Variants in ESRP1 observed in about 807,000 individuals in gnomAD.
ESRP1 encodes RNA-binding motif protein 35A.
In ESRP1, 33 loss-of-function variants were observed where a neutral mutation model predicts 81.7. The observed-to-expected ratio is 0.40, with a 90% CI of 0.31 to 0.54. ESRP1 has a LOEUF of 0.54. ESRP1 is among the 20% of genes least tolerant of loss of function. The pLI is 0.41. For missense variants in ESRP1, 672 were observed against 833.1 expected, an observed-to-expected ratio of 0.81 and a Z score of 2.38; for synonymous variants, 320 against 303.3, an observed-to-expected ratio of 1.06 and a Z score of -0.57.
intron 11 of ESRP1, among the ~76,000 whole-genome samples, chr8:94,672,249 A>T (rs115405308): frequency 0.016 from 2,387 of 152,220 alleles, 74 homozygotes; most frequent in African/African-American, 0.054. Flanking sequence ...TTCAATAGGA[A>T]CCAAACTCAG....
At chr8:94,651,239 CTTTT>C (rs35413910) in intron 4 of ESRP1, among the ~76,000 whole-genome samples, 18 of 102,778 alleles carry the variant, frequency 1.8e-4, no homozygotes, top group African/African-American at 3.4e-4. Context: ...ATAGTGTGGT[CTTTT>C]TTTTTTTTTT....
At chr8:94,641,495 A>T in intron 1 of ESRP1, 45 bp downstream of exon 1, 1 of 1,611,568 alleles carries the variant, frequency 6.2e-7, no homozygotes, top group Non-Finnish European at 8.5e-7. Context: ...TGGGGCAAGA[A>T]GTTTGTGGTA....
chr8:94,642,107 C>A (rs1817631374), intron 2 of ESRP1, 23 bp downstream of exon 2: 2 of 1,605,450 alleles, frequency 1.2e-6, no homozygotes, highest in South Asian at 2.2e-5. Flanking sequence ...GGTCACGCCA[C>A]CCACCCCAGC....
At position 94,668,436 on chromosome 8, in the gene ESRP1, A is replaced by G. The variant is rs1051219075; in HGVS notation, c.1233+186A>G. 29 of 483,158 alleles carry G rather than the reference A, an allele frequency of 6.0e-5. No individual in the cohort carries two copies. The East Asian group carries it at 9.2e-4, about 15-fold the overall frequency. 29.9% of individuals were successfully genotyped at this position (483,158 alleles called of 1,614,324 possible). ...CTGTTATCCTGTACACACACACAAC[A>G]CATACTACGTATTTTTACAGAAATG... On this transcript the variant is annotated intron_variant, in intron 10 of 15. Coordinates refer to ENST00000433389, the MANE Select transcript of ESRP1 (RefSeq NM_017697.4).
intron 13 of ESRP1, among the ~76,000 whole-genome samples, chr8:94,682,936 T>TA (rs1808978065): frequency 2.5e-5 from 1 of 39,246 alleles, no homozygotes; most frequent in African/African-American, 1.1e-4. Context: ...ATATATATTT[T>TA]TTTTTTTTTT....
At position 94,696,773 on chromosome 8, in the gene ESRP1, A is replaced by T. The variant is rs1380817394; in HGVS notation, c.1972-79A>T. 10 of 1,098,984 alleles carry T rather than the reference A, an allele frequency of 9.1e-6. 1 individual carries two copies. In the Admixed American group the frequency reaches 2.5e-4, roughly 28 times the overall value. 68.1% of individuals were successfully genotyped at this position (1,098,984 alleles called of 1,614,324 possible). A position where few individuals can be genotyped will look rare whatever the true frequency, so the allele number is the denominator to read the frequency against. Reference sequence around the variant, plus strand: ...CTAAATGTCCTATACTTTTGTTGGTAGATCTATTTAGCTGAAATATTATCC... The same window carrying T: ...CTAAATGTCCTATACTTTTGTTGGTTGATCTATTTAGCTGAAATATTATCC... On this transcript the variant is annotated intron_variant, in intron 14 of 15. Coordinates refer to ENST00000433389, the MANE Select transcript of ESRP1 (RefSeq NM_017697.4).
At chr8:94,697,245 C>CT (rs1457969426) in intron 15 of ESRP1, among the ~76,000 whole-genome samples, 2 of 151,844 alleles carry the variant, frequency 1.3e-5, no homozygotes, top group Admixed American at 6.6e-5. Context: ...GTTGGGTATT[C>CT]TTTTTTTTAA....
At chr8:94,682,919 TATATATATA>T (rs1808962981) in intron 13 of ESRP1, among the ~76,000 whole-genome samples, 1 of 32,004 alleles carries the variant, frequency 3.1e-5, no homozygotes, top group African/African-American at 1.7e-4. Context: ...TATATATATA[TATATATATA>T]TATATTTTTT....
chr8:94,678,152 C>T, intron 12 of ESRP1, 51 bp from the exon 13 acceptor site: 1 of 1,579,526 alleles, frequency 6.3e-7, no homozygotes, highest in South Asian at 1.1e-5. Flanking sequence ...CTAGCACGTG[C>T]ATGTCAGCTG....
At chr8:94,646,018 C>T in intron 3 of ESRP1, 150 bp from the exon 4 acceptor site, 1 of 525,406 alleles carries the variant, frequency 1.9e-6, no homozygotes, top group Non-Finnish European at 3.4e-6. Flanking sequence ...AGAAACAGGA[C>T]CAACTTTTAA....
At position 94,706,687 on chromosome 8, in the gene ESRP1, G is replaced by GT. The variant is rs1429093146; in HGVS notation, c.*799dup. On this transcript the variant is annotated 3_prime_UTR_variant, in exon 16 of 16. Coordinates refer to ENST00000433389, the MANE Select transcript of ESRP1 (RefSeq NM_017697.4). ...GTAATTGAATATTGTGGCTTCATAT[G>GT]TATTATTTTATATTGTACTTTTTTC... 6.6e-6 allele frequency: 1 copy of GT among 152,558 alleles called. No individual in the cohort carries two copies. The highest frequency in any genetic ancestry group is 2.4e-5 in the African/African-American group (1 of 41,438). The allele number at this position is 152,558 out of a possible 1,614,324, so 9.5% of individuals were successfully genotyped here.
intron 4 of ESRP1, among the ~76,000 whole-genome samples, chr8:94,657,850 G>T (rs147576143): frequency 6.6e-6 from 1 of 152,040 alleles, no homozygotes; most frequent in Admixed American, 6.6e-5. Flanking sequence ...CATAGCTTTC[G>T]TGTAATCCCA....
intron 4 of ESRP1, among the ~76,000 whole-genome samples, chr8:94,660,855 G>A (rs2130600452): frequency 6.6e-6 from 1 of 151,394 alleles, no homozygotes; most frequent in East Asian, 1.9e-4. Flanking sequence ...ATGAAAGGAA[G>A]AGGCAATTGA....
At chr8:94,644,727 C>G (rs1256655624) in intron 3 of ESRP1, among the ~76,000 whole-genome samples, 1 of 152,118 alleles carries the variant, frequency 6.6e-6, no homozygotes, top group Non-Finnish European at 1.5e-5. Context: ...AAGACTTTTT[C>G]CTCAGCCACA....
At position 94,643,380 on chromosome 8, in the gene ESRP1, T is replaced by C; in HGVS notation, c.339T>C (p.His113=). ...GTCTCTGTACTGATGGGCAGCTTCA[T>C]GTCAGGCAAATCCTGCATCCTGAGG... ...SFCLCTDGQL[H]VRQILHPEAS... is the part of the protein sequence containing the mutation. The change falls in exon 3 of 16, where the codon CAT becomes CAC. Residue 113 remains histidine (H), a synonymous_variant. Coordinates refer to ENST00000433389, the MANE Select transcript of ESRP1 (RefSeq NM_017697.4). 6.2e-7 allele frequency: 1 copy of C among 1,613,864 alleles called. No homozygotes were observed. The highest frequency in any genetic ancestry group is 8.5e-7 in the Non-Finnish European group (1 of 1,179,740).
chr8:94,680,951 C>T (rs1808848560), intron 13 of ESRP1, among the ~76,000 whole-genome samples: 1 of 151,588 alleles, frequency 6.6e-6, no homozygotes, highest in East Asian at 1.9e-4. Flanking sequence ...GCCTGTAATC[C>T]CAGCGCTTTG....
intron 14 of ESRP1, among the ~76,000 whole-genome samples, chr8:94,693,978 T>G (rs370601620): frequency 6.6e-6 from 1 of 152,198 alleles, no homozygotes; most frequent in African/African-American, 2.4e-5. Context: ...CACTCCTCCC[T>G]AAGCAATTTT....
At chr8:94,705,019 T>C (rs184006358) in intron 15 of ESRP1, among the ~76,000 whole-genome samples, 2 of 152,124 alleles carry the variant, frequency 1.3e-5, no homozygotes, top group Non-Finnish European at 2.9e-5. Context: ...TTCTCTAAAA[T>C]GGGGATAACA....
Position 94,664,120 on chromosome 8 carries a change from C to CTTT in ESRP1, c.645-558_645-556dup, listed in dbSNP as rs755384250. 8.9e-4 allele frequency among the ~76,000 whole-genome samples: 88 copies of CTTT among 98,536 alleles called. 1 individual carries two copies. Among genetic ancestry groups the CTTT allele is most frequent in the African/African-American group, 2.5e-3 (68 of 27,204 alleles). The allele number at this position is 98,536 out of a possible 152,430, so 64.6% of individuals were successfully genotyped here. ...GGGTGCCAAGCAAACATTTCCTCAG[C>CTTT]TTTTTTTTTTTTTTTTTTTTTGAGA... On this transcript the variant is annotated intron_variant, in intron 6 of 15. Coordinates refer to ENST00000433389, the MANE Select transcript of ESRP1 (RefSeq NM_017697.4).
Sources: gnomAD v4.1 joint callset for allele counts (sites outside exome capture counted in the v4.1 genomes callset) on GRCh38, gnomAD v4.1.1 for gene constraint, MANE v1.5 for transcripts, NCBI Gene and HGNC (gene_info 2026-07-23, HGNC 2026-07-21) for gene names.